ERC2: variants seen among roughly 807,000 people sequenced by gnomAD.
ERC2 encodes the protein ERC protein 2.
ERC2 carries 42 observed loss-of-function variants against 114.8 expected under a neutral mutation model. The observed-to-expected ratio is 0.37, with a 90% confidence interval of 0.29 to 0.47. ERC2 has a LOEUF of 0.47. ERC2 is among the 20% of genes least tolerant of loss of function. The pLI, the probability that ERC2 is intolerant of heterozygous loss-of-function variation, is 0.99. For synonymous variants in ERC2, 454 were observed against 425.5 expected (o/e 1.07, Z -0.82); for missense variants, 939 against 1,150.7 (o/e 0.82, Z 2.66).
chr3:55,891,648 T>C (rs1559825825), intron 13 of ERC2, among the ~76,000 whole-genome samples: 1 of 152,040 alleles, frequency 6.6e-6, no homozygotes, highest in Non-Finnish European at 1.5e-5. Flanking sequence ...GGTTTCACCA[T>C]GTTGGCCAGG....
intron 15 of ERC2, among the ~76,000 whole-genome samples, chr3:55,730,914 A>G (rs1289947384): frequency 1.3e-5 from 2 of 152,220 alleles, no homozygotes; most frequent in Non-Finnish European, 2.9e-5. Flanking sequence ...ACATCTGCAC[A>G]GAAGACTGAG....
At chr3:55,604,874 T>C (rs2058573994) in intron 17 of ERC2, among the ~76,000 whole-genome samples, 1 of 152,186 alleles carries the variant, frequency 6.6e-6, no homozygotes, top group African/African-American at 2.4e-5. Flanking sequence ...CCAGTGGCTC[T>C]CAAACTTTCC....
At chr3:55,787,374 G>A (rs1429918717) in intron 14 of ERC2, among the ~76,000 whole-genome samples, 1 of 152,072 alleles carries the variant, frequency 6.6e-6, no homozygotes, top group Admixed American at 6.5e-5. Context: ...TTGTGATCCT[G>A]CCACTGCACT....
Position 55,909,913 on chromosome 3 carries a change from G to T in ERC2, c.2404-21364C>A, listed in dbSNP as rs186982880. The stretch of plus-strand genomic sequence containing the variant: ...AATTTGGCCAATGATAATCATTTAC[G>T]TGGAAAAATATTTATATTGAGAAGG... On this transcript the variant is annotated intron_variant, in intron 13 of 17. Transcript: ENST00000288221. Among the ~76,000 whole-genome samples the T allele has an allele frequency of 4.3e-4, 66 of 152,182 alleles. 1 individual carries two copies. The highest frequency in any genetic ancestry group is 1.5e-3 in the African/African-American group (64 of 41,520).
intron 17 of ERC2, among the ~76,000 whole-genome samples, chr3:55,619,558 T>C (rs2148592051): frequency 6.6e-6 from 1 of 152,308 alleles, no homozygotes; most frequent in East Asian, 1.9e-4. Context: ...GGTATGAAAG[T>C]GCAGTGAAAC....
rs573792815 is a variant in ERC2 at position 55,671,464 on chromosome 3, G to C, written c.*39+12330C>G. ...CTAGTAAGCCCTAACTTGGGACAGTGGTGGGCACGTGGTCATCGGCACAGG... is the reference window on the plus strand; with the variant it reads ...CTAGTAAGCCCTAACTTGGGACAGTCGTGGGCACGTGGTCATCGGCACAGG... On this transcript the variant is annotated intron_variant, in intron 17 of 17. Transcript: ENST00000288221. 2.0e-5 allele frequency among the ~76,000 whole-genome samples: 3 copies of C among 152,300 alleles called. No homozygotes were observed. In the South Asian group the frequency reaches 6.2e-4, roughly 32 times the overall value.
At chr3:56,247,214 T>A (rs964773352) in intron 3 of ERC2, among the ~76,000 whole-genome samples, 4 of 152,166 alleles carry the variant, frequency 2.6e-5, no homozygotes, top group Non-Finnish European at 5.9e-5. Flanking sequence ...AACATTAATT[T>A]CAACTAAGCG....
intron 2 of ERC2, among the ~76,000 whole-genome samples, chr3:56,428,981 T>C (rs1472685682): frequency 6.6e-6 from 1 of 152,204 alleles, no homozygotes; most frequent in Non-Finnish European, 1.5e-5. Flanking sequence ...GGAAAATGTC[T>C]AAAAATTGCT....
intron 1 of ERC2, among the ~76,000 whole-genome samples, chr3:56,445,789 T>C (rs1405667196): frequency 6.6e-6 from 1 of 152,202 alleles, no homozygotes. Flanking sequence ...TTTGCAGGGC[T>C]AATTCCTATT....
Position 55,965,779 on chromosome 3 carries a change from C to A in ERC2, c.2268-15219G>T, listed in dbSNP as rs2068709730. Among the ~76,000 whole-genome samples the A allele has an allele frequency of 3.9e-5, 6 of 152,264 alleles. No homozygotes were observed. In the South Asian group the frequency reaches 1.0e-3, roughly 26 times the overall value. ...CTACAAAAATAAATGGCTGATCTTT[C>A]CACTCTTCTTCTCGTAACTCAAACC... On this transcript the variant is annotated intron_variant, in intron 12 of 17. Coordinates refer to ENST00000288221, the MANE Select transcript of ERC2 (RefSeq NM_015576.3).
chr3:55,590,438 G>C (rs550326468), intron 17 of ERC2, among the ~76,000 whole-genome samples: 27 of 152,316 alleles, frequency 1.8e-4, no homozygotes, highest in African/African-American at 6.5e-4. Context: ...AGAATGTACA[G>C]TGAAACATAA....
intron 17 of ERC2, among the ~76,000 whole-genome samples, chr3:55,601,688 C>T (rs554792671): frequency 1.3e-5 from 2 of 152,112 alleles, no homozygotes; most frequent in Admixed American, 1.3e-4. Context: ...GCCGGGGAGC[C>T]GGGTGCGGTG....
rs147448528 is a variant in ERC2, at chr3:55,917,301, A to G, written c.2404-28752T>C. 2.9e-4 allele frequency among the ~76,000 whole-genome samples: 44 copies of G among 152,324 alleles called. No homozygotes were observed. In the East Asian group the frequency reaches 8.5e-3, roughly 29 times the overall value. On this transcript the variant is annotated intron_variant, in intron 13 of 17. Coordinates refer to ENST00000288221, the MANE Select transcript of ERC2 (RefSeq NM_015576.3). ...AACTTGTTAATGAATGTTCATAGCA[A>G]CATTCCTTATAATGGCCAAAAGCAG...
intron 2 of ERC2, among the ~76,000 whole-genome samples, chr3:56,348,919 G>A (rs868128619): frequency 2.3e-5 from 3 of 129,894 alleles, no homozygotes; most frequent in Admixed American, 7.8e-5. Context: ...AAGGAAGGAA[G>A]GAAGGAAGGA....
intron 10 of ERC2, among the ~76,000 whole-genome samples, chr3:55,998,251 T>TCA (rs775513262): frequency 5.9e-5 from 9 of 151,400 alleles, no homozygotes; most frequent in East Asian, 5.8e-4. Context: ...TCTCTCTCTC[T>TCA]CACACACACA....
At chr3:55,671,302 T>G (rs989458014) in intron 17 of ERC2, among the ~76,000 whole-genome samples, 2 of 152,238 alleles carry the variant, frequency 1.3e-5, no homozygotes, top group Non-Finnish European at 2.9e-5. Context: ...ACTCATTATA[T>G]TTTGAATTTC....
chr3:56,443,778 A>C (rs1384459685), intron 1 of ERC2, among the ~76,000 whole-genome samples: 1 of 151,994 alleles, frequency 6.6e-6, no homozygotes, highest in African/African-American at 2.4e-5. Context: ...TCAATAATGC[A>C]ATCATGTCTT....
At chr3:56,204,431 A>T (rs2048585828) in intron 3 of ERC2, among the ~76,000 whole-genome samples, 1 of 151,950 alleles carries the variant, frequency 6.6e-6, no homozygotes, top group South Asian at 2.1e-4. Context: ...ATTTGTAATT[A>T]GTTCTCCTAA....
intron 6 of ERC2, among the ~76,000 whole-genome samples, chr3:56,104,650 G>A (rs1279570164): frequency 6.8e-6 from 1 of 147,096 alleles, no homozygotes. Flanking sequence ...TTTTTTTTAA[G>A]TTACATTTTA....
Sources: gnomAD v4.1 joint callset for allele counts (sites outside exome capture counted in the v4.1 genomes callset) on GRCh38, gnomAD v4.1.1 for gene constraint, MANE v1.5 for transcripts, NCBI Gene and HGNC (gene_info 2026-07-23, HGNC 2026-07-21) for gene names.